The following GNB4 variants were observed in gnomAD, a reference collection of about 807,000 sequenced individuals.
The protein encoded by GNB4 is guanine nucleotide-binding protein subunit beta-4.
In GNB4, 28 loss-of-function variants were observed where a neutral mutation model predicts 45.2. The ratio of observed to expected loss-of-function variants is 0.62; its 90% confidence interval spans 0.46 to 0.85. The LOEUF (loss-of-function observed/expected upper bound fraction) is 0.85, where lower values mean the gene tolerates loss of function less well. Ranked by LOEUF, GNB4 falls within the 40% of genes least tolerant of loss-of-function variation. GNB4 has a pLI of 0.00. For synonymous variants in GNB4, 132 were observed against 143.7 expected (o/e 0.92, Z 0.58); for missense variants, 321 against 425.4 (o/e 0.75, Z 2.16).
At chr3:179,493,794 A>T in the GNB4 span, among the ~76,000 whole-genome samples, 1 of 152,144 alleles carries the variant, frequency 6.6e-6, no homozygotes, top group African/African-American at 2.4e-5. Context: ...TAGGGAAAAG[A>T]AAGAGATAAA....
rs1560206838 is a variant in GNB4, at chr3:179,398,583, C to A, written c.*2630G>T. The stretch of plus-strand genomic sequence containing the variant: ...TCTTGATGATGCAAATTTTTAAAAA[C>A]TAAATCCAGCCAGATTTTTCAGCCT... On this transcript the variant is annotated 3_prime_UTR_variant, in exon 10 of 10. Coordinates refer to ENST00000232564, the MANE Select transcript of GNB4 (RefSeq NM_021629.4). The A allele has an allele frequency of 6.7e-6, 1 of 150,230 alleles. No homozygotes were observed. Among genetic ancestry groups the A allele is most frequent in the African/African-American group, 2.4e-5 (1 of 40,960 alleles). 9.3% of individuals were successfully genotyped at this position (150,230 alleles called of 1,614,324 possible).
chr3:179,436,196 C>T (rs949877433), intron 1 of GNB4, among the ~76,000 whole-genome samples: 3 of 152,108 alleles, frequency 2.0e-5, no homozygotes, highest in Non-Finnish European at 4.4e-5. Flanking sequence ...GCAGGGAGTT[C>T]GAGACCAGCC....
At chr3:179,426,681 A>T (rs959757027) in intron 1 of GNB4, among the ~76,000 whole-genome samples, 1 of 152,150 alleles carries the variant, frequency 6.6e-6, no homozygotes, top group African/African-American at 2.4e-5. Context: ...GTTTAAGCTA[A>T]AAATGTGGGA....
At chr3:179,446,752 C>T (rs756174637) in intron 1 of GNB4, among the ~76,000 whole-genome samples, 2 of 152,206 alleles carry the variant, frequency 1.3e-5, no homozygotes, top group Non-Finnish European at 2.9e-5. Flanking sequence ...TGTTAGCTTT[C>T]AGAGAAGCTG....
At chr3:179,518,675 T>A in the GNB4 span, among the ~76,000 whole-genome samples, 1 of 152,172 alleles carries the variant, frequency 6.6e-6, no homozygotes, top group Non-Finnish European at 1.5e-5. Context: ...AAAAGGTGGC[T>A]GGAGCTAAAG....
chr3:179,514,299 A>T, the GNB4 span, among the ~76,000 whole-genome samples: 4 of 152,230 alleles, frequency 2.6e-5, no homozygotes, highest in Non-Finnish European at 5.9e-5. Flanking sequence ...GTCAAGGAAC[A>T]GAATGAATCC....
At chr3:179,434,161 T>G (rs1715382472) in intron 1 of GNB4, among the ~76,000 whole-genome samples, 1 of 152,216 alleles carries the variant, frequency 6.6e-6, no homozygotes, top group Non-Finnish European at 1.5e-5. Context: ...TGCACAGGAT[T>G]GAACAGTGTT....
intron 2 of GNB4, among the ~76,000 whole-genome samples, chr3:179,422,690 TCATC>T (rs1347531835): frequency 2.0e-5 from 3 of 152,162 alleles, no homozygotes; most frequent in African/African-American, 7.2e-5. Context: ...TTAAAACAAA[TCATC>T]TATTATAATA....
chr3:179,419,295 T>G (rs1326636955), intron 4 of GNB4, 104 bp downstream of exon 4: 1 of 777,384 alleles, frequency 1.3e-6, no homozygotes, highest in Non-Finnish European at 2.3e-6. Context: ...TGCAAACGCT[T>G]CATGAATATA....
the GNB4 span, among the ~76,000 whole-genome samples, chr3:179,468,044 A>ATATATATATATATATG: frequency 2.8e-3 from 278 of 99,080 alleles, 50 homozygotes; most frequent in Middle Eastern, 0.012. Context: ...AAATATATAT[A>ATATATATATATATATG]TATATAGAAC....
the GNB4 span, among the ~76,000 whole-genome samples, chr3:179,502,228 C>CTTTTTTTTTTTT: frequency 1.5e-4 from 11 of 73,456 alleles, no homozygotes; most frequent in Middle Eastern, 0.012. Flanking sequence ...TTTTTCTTTT[C>CTTTTTTTTTTTT]TTTTTTTTTT....
chr3:179,461,038 C>T, the GNB4 span, among the ~76,000 whole-genome samples: 2 of 152,240 alleles, frequency 1.3e-5, no homozygotes, highest in East Asian at 3.9e-4. Context: ...GGGGCCCCTT[C>T]TTTCTGGCCT....
At chr3:179,464,409 T>C in the GNB4 span, 1 of 1,343,730 alleles carries the variant, frequency 7.4e-7, no homozygotes, top group Non-Finnish European at 1.1e-6. Context: ...GCACAGCTGC[T>C]CCCTCTGCCC....
chr3:179,499,508 T>A, the GNB4 span, among the ~76,000 whole-genome samples: 1 of 152,252 alleles, frequency 6.6e-6, no homozygotes, highest in Admixed American at 6.5e-5. Context: ...GCATTTGGGC[T>A]GGTTCTAAGT....
the GNB4 span, among the ~76,000 whole-genome samples, chr3:179,523,426 GTTGTGGAGGGA>G: frequency 1.3e-5 from 2 of 152,174 alleles, no homozygotes; most frequent in Non-Finnish European, 2.9e-5. Flanking sequence ...AGAATAATGG[GTTGTGGAGGGA>G]TTGTGGAGGG....
chr3:179,418,470 C>CAAAAAAAAAA (rs386356535), intron 4 of GNB4, among the ~76,000 whole-genome samples: 13 of 95,322 alleles, frequency 1.4e-4, no homozygotes, highest in Non-Finnish European at 2.3e-4. Context: ...AACTCTGTCT[C>CAAAAAAAAAA]AAAAAAAAAA....
intron 8 of GNB4, among the ~76,000 whole-genome samples, chr3:179,408,585 G>A (rs1205663884): frequency 1.3e-5 from 2 of 152,106 alleles, no homozygotes; most frequent in Admixed American, 1.3e-4. Flanking sequence ...GAGGTCAGGA[G>A]TTCAAGACCA....
chr3:179,445,712 G>A (rs967496974), intron 1 of GNB4, among the ~76,000 whole-genome samples: 3 of 152,204 alleles, frequency 2.0e-5, no homozygotes, highest in Non-Finnish European at 4.4e-5. Flanking sequence ...GAAATATTAT[G>A]CAGCTATTAA....
At chr3:179,461,855 G>A in the GNB4 span, among the ~76,000 whole-genome samples, 2 of 152,226 alleles carry the variant, frequency 1.3e-5, no homozygotes, top group Non-Finnish European at 1.5e-5. Context: ...ACACAAGGGT[G>A]ATGCATCTGT....
Sources: allele counts gnomAD v4.1 joint callset (sites outside exome capture counted in the v4.1 genomes callset), GRCh38; gene constraint gnomAD v4.1.1; transcripts MANE v1.5; gene names NCBI Gene and HGNC (gene_info 2026-07-23, HGNC 2026-07-21).